Variants in HMGA2 observed in about 807,000 individuals in gnomAD.
HMGA2 encodes high mobility group protein HMGI-C.
In HMGA2, 8 loss-of-function variants were observed where a neutral mutation model predicts 19.1. That is an observed-to-expected ratio of 0.42 (90% confidence interval 0.25 to 0.76). HMGA2 has a LOEUF of 0.76. Among genes scored for constraint, HMGA2 ranks in the 30% least tolerant of loss-of-function variants. The pLI, the probability that HMGA2 is intolerant of heterozygous loss-of-function variation, is 0.28. For synonymous variants in HMGA2, 60 were observed against 48.8 expected (o/e 1.23, Z -0.96); for missense variants, 109 against 136.3 (o/e 0.80, Z 1.00).
In HMGA2 at chr12:65,889,455, C is replaced by T. The variant is rs150567859; in HGVS notation, c.249+50886C>T. 2.9e-3 allele frequency among the ~76,000 whole-genome samples: 441 copies of T among 152,182 alleles called. 4 individuals are homozygous for T. The highest frequency in any genetic ancestry group is 9.8e-3 in the African/African-American group (407 of 41,508). On this transcript the variant is annotated intron_variant, in intron 3 of 4. Coordinates refer to ENST00000403681, the MANE Select transcript of HMGA2 (RefSeq NM_003483.6). Reference sequence around the variant, plus strand: ...AATACATATCTAATAGGTAAATATACGTGTATATGTATATATACCCACAGA... The same window carrying T: ...AATACATATCTAATAGGTAAATATATGTGTATATGTATATATACCCACAGA...
chr12:65,917,203 A>T (rs1418044790), intron 3 of HMGA2, among the ~76,000 whole-genome samples: 1 of 151,952 alleles, frequency 6.6e-6, no homozygotes, highest in African/African-American at 2.4e-5. Flanking sequence ...GAGGGGGAGA[A>T]GTTAAAAGAA....
At chr12:65,872,461 G>A (rs1872757629) in intron 3 of HMGA2, among the ~76,000 whole-genome samples, 1 of 152,098 alleles carries the variant, frequency 6.6e-6, no homozygotes, top group Non-Finnish European at 1.5e-5. Context: ...TAGCTCTGTG[G>A]TATCTGTGTT....
At chr12:65,909,780 T>C (rs543563267) in intron 3 of HMGA2, among the ~76,000 whole-genome samples, 1 of 152,304 alleles carries the variant, frequency 6.6e-6, no homozygotes, top group African/African-American at 2.4e-5. Flanking sequence ...TGTAAATCCA[T>C]TGAACATAGT....
At position 65,914,964 on chromosome 12, in the gene HMGA2, C is replaced by T. The variant is rs779606097; in HGVS notation, c.250-36419C>T. The stretch of plus-strand genomic sequence containing the variant: ...TGCTGGGAATACAGGCGTGAGCCAT[C>T]GTGCCTGGTCTAAAAAATGTCTATT... On this transcript the variant is annotated intron_variant, in intron 3 of 4. Transcript: ENST00000403681. The T allele has an allele frequency of 9.7e-6, 15 of 1,546,564 alleles. No individual in the cohort carries two copies. The Admixed American group carries it at 1.7e-4, about 17-fold the overall frequency.
chr12:65,918,399 A>C (rs1206031829), intron 3 of HMGA2, among the ~76,000 whole-genome samples: 2 of 152,226 alleles, frequency 1.3e-5, no homozygotes, highest in Admixed American at 1.3e-4. Context: ...AAATGTAAGC[A>C]GGGCTGGTGA....
intron 3 of HMGA2, among the ~76,000 whole-genome samples, chr12:65,888,958 G>A (rs563455135): frequency 6.6e-6 from 1 of 152,144 alleles, no homozygotes; most frequent in East Asian, 1.9e-4. Context: ...CTAACTTCGA[G>A]CCTGCTCTTT....
At chr12:65,922,387 C>G (rs902875119) in intron 3 of HMGA2, among the ~76,000 whole-genome samples, 1 of 152,172 alleles carries the variant, frequency 6.6e-6, no homozygotes, top group African/African-American at 2.4e-5. Context: ...CAAAGGAGAT[C>G]GCTTTGGAGC....
At chr12:65,874,176 A>T (rs1269392401) in intron 3 of HMGA2, 3 of 151,906 alleles carry the variant, frequency 2.0e-5, no homozygotes, top group Non-Finnish European at 2.9e-5. Flanking sequence ...AGTTTCATAG[A>T]TCTCATTTAT....
intron 3 of HMGA2, among the ~76,000 whole-genome samples, chr12:65,852,020 T>C (rs1487041785): frequency 6.6e-6 from 1 of 152,144 alleles, no homozygotes; most frequent in Non-Finnish European, 1.5e-5. Flanking sequence ...ATTTGTACTT[T>C]GTACAAATTT....
chr12:65,923,712 G>A (rs753478146), intron 3 of HMGA2, among the ~76,000 whole-genome samples: 13 of 152,138 alleles, frequency 8.5e-5, no homozygotes, highest in South Asian at 4.1e-4. Context: ...TTTATCACCC[G>A]TAAGAAAGTC....
chr12:65,951,461 T>G, intron 4 of HMGA2, 46 bp downstream of exon 4: 1 of 1,216,364 alleles, frequency 8.2e-7, no homozygotes, highest in Non-Finnish European at 1.2e-6. Flanking sequence ...ATATAAAAAG[T>G]GAAATATGTA....
chr12:65,963,826 T>C lies in HMGA2; in HGVS notation c.*534T>C, dbSNP rs949370829. On this transcript the variant is annotated 3_prime_UTR_variant, in exon 5 of 5. Transcript: ENST00000403681. ...ACCAAAGATAAGGACTAGATACTAC[T>C]TTCTCTTTTTCGTATAATCTTGTAG... The C allele has an allele frequency of 5.0e-5, 11 of 221,642 alleles. No homozygotes were observed. The highest frequency in any genetic ancestry group is 9.9e-5 in the Non-Finnish European group (11 of 110,624). 13.7% of individuals were successfully genotyped at this position (221,642 alleles called of 1,614,324 possible). A position where few individuals can be genotyped will look rare whatever the true frequency, so the allele number is the denominator to read the frequency against.
rs1265959981 is a variant in HMGA2, at chr12:65,881,409, G to T, written c.249+42840G>T. The T allele has an allele frequency of 1.1e-5, 4 of 349,412 alleles. No individual in the cohort carries two copies. The South Asian group carries it at 2.3e-4, about 20-fold the overall frequency. 21.6% of individuals were successfully genotyped at this position (349,412 alleles called of 1,614,324 possible). On this transcript the variant is annotated intron_variant, in intron 3 of 4. Transcript: ENST00000403681. ...ATCTGCCTTCCCTCCAACATCCTTG[G>T]GTTAATCACGTGCTTGCTGGCCAGG...
intron 3 of HMGA2, among the ~76,000 whole-genome samples, chr12:65,888,621 T>G (rs1873769056): frequency 9.5e-6 from 1 of 105,526 alleles, no homozygotes; most frequent in Non-Finnish European, 1.8e-5. Context: ...TGGAGTGCAG[T>G]GGCGCGATCT....
chr12:65,897,888 C>G (rs1874195625), intron 3 of HMGA2, among the ~76,000 whole-genome samples: 1 of 151,090 alleles, frequency 6.6e-6, no homozygotes, highest in African/African-American at 2.4e-5. Flanking sequence ...CACTTGAACC[C>G]GGGATGTGGA....
chr12:65,918,090 C>T (rs1875174072), intron 3 of HMGA2, among the ~76,000 whole-genome samples: 2 of 152,136 alleles, frequency 1.3e-5, no homozygotes, highest in African/African-American at 4.8e-5. Flanking sequence ...TCTCAAAGAC[C>T]CTCTTGTGAA....
intron 3 of HMGA2, among the ~76,000 whole-genome samples, chr12:65,929,545 T>C (rs1163633624): frequency 9.9e-5 from 15 of 151,594 alleles, no homozygotes; most frequent in Non-Finnish European, 1.5e-5. Context: ...AGGGAGTGTT[T>C]AGATTGCAGA....
At chr12:65,861,439 T>C (rs928706465) in intron 3 of HMGA2, among the ~76,000 whole-genome samples, 2 of 152,206 alleles carry the variant, frequency 1.3e-5, no homozygotes, top group African/African-American at 4.8e-5. Flanking sequence ...ATTGGATGGA[T>C]AAAACAGAGC....
chr12:65,859,588 C>T (rs1201324297), intron 3 of HMGA2: 1 of 152,214 alleles, frequency 6.6e-6, no homozygotes, highest in African/African-American at 2.4e-5. Context: ...TTCCTTCTTC[C>T]ATTTTCAGCT....
Sources: allele counts gnomAD v4.1 joint callset (sites outside exome capture counted in the v4.1 genomes callset), GRCh38; gene constraint gnomAD v4.1.1; transcripts MANE v1.5; gene names NCBI Gene and HGNC (gene_info 2026-07-23, HGNC 2026-07-21).